The following CELF4 variants were observed in gnomAD, a reference collection of about 807,000 sequenced individuals.
CELF4 encodes the protein CUGBP Elav-like family member 4, also known as CUG-BP- and ETR-3-like factor 4.
CELF4 carries 18 observed loss-of-function variants against 59.9 expected under a neutral mutation model. The ratio of observed to expected loss-of-function variants is 0.30; its 90% CI spans 0.21 to 0.45. The LOEUF (loss-of-function observed/expected upper bound fraction) is 0.45, where lower values mean the gene tolerates loss of function less well. Among genes scored for constraint, CELF4 ranks in the 20% least tolerant of loss-of-function variants. The pLI is 1.00. For missense variants in CELF4, 456 were observed against 689.0 expected, an observed-to-expected ratio of 0.66 and a Z score of 3.79; for synonymous variants, 261 against 267.1, an observed-to-expected ratio of 0.98 and a Z score of 0.22.
intron 2 of CELF4, among the ~76,000 whole-genome samples, chr18:37,415,676 C>T (rs965123038): frequency 6.6e-6 from 1 of 152,146 alleles, no homozygotes; most frequent in African/African-American, 2.4e-5. Context: ...TTGGCAGTTC[C>T]CCCTTAATAT....
At chr18:37,315,047 G>A (rs574887656) in intron 3 of CELF4, among the ~76,000 whole-genome samples, 19 of 144,000 alleles carry the variant, frequency 1.3e-4, no homozygotes, top group South Asian at 4.3e-4. Context: ...TCTGTGTGTC[G>A]TGTGCTTTTC....
At chr18:37,536,889 AGAG>A (rs2154605281) in intron 1 of CELF4, among the ~76,000 whole-genome samples, 1 of 152,256 alleles carries the variant, frequency 6.6e-6, no homozygotes. Flanking sequence ...GCGAAGGGAG[AGAG>A]GAGATGCCCC....
chr18:37,336,581 A>G (rs960574587), intron 2 of CELF4, among the ~76,000 whole-genome samples: 1 of 152,264 alleles, frequency 6.6e-6, no homozygotes, highest in African/African-American at 2.4e-5. Context: ...AAAGCCTGCT[A>G]TGAGGGAGTG....
intron 1 of CELF4, among the ~76,000 whole-genome samples, chr18:37,504,123 T>G (rs2099934836): frequency 6.6e-6 from 1 of 152,176 alleles, no homozygotes. Context: ...TGTGGCCTTA[T>G]GTATAGGGAG....
chr18:37,544,604 T>C (rs1267165928), intron 1 of CELF4, among the ~76,000 whole-genome samples: 1 of 152,156 alleles, frequency 6.6e-6, no homozygotes, highest in Non-Finnish European at 1.5e-5. Flanking sequence ...TGCTTGTACG[T>C]ATGTATGTGT....
intron 2 of CELF4, among the ~76,000 whole-genome samples, chr18:37,410,987 C>T (rs938669496): frequency 2.0e-5 from 3 of 152,300 alleles, no homozygotes; most frequent in Admixed American, 1.3e-4. Flanking sequence ...GACGAGGTCT[C>T]ACTCTGTCAC....
chr18:37,344,287 G>A (rs537470488), intron 2 of CELF4, among the ~76,000 whole-genome samples: 14 of 152,358 alleles, frequency 9.2e-5, no homozygotes, highest in East Asian at 5.8e-4. Context: ...GAGGACAGAC[G>A]TGGCTTACAC....
intron 3 of CELF4, among the ~76,000 whole-genome samples, chr18:37,285,787 G>C (rs975756704): frequency 2.0e-5 from 3 of 152,164 alleles, no homozygotes; most frequent in African/African-American, 7.2e-5. Flanking sequence ...ACCTTTTGCT[G>C]GGGTGGTGGC....
At chr18:37,358,397 C>A (rs1179926828) in intron 2 of CELF4, among the ~76,000 whole-genome samples, 1 of 152,236 alleles carries the variant, frequency 6.6e-6, no homozygotes, top group South Asian at 2.1e-4. Flanking sequence ...GCTTCCCCAG[C>A]CACGTGGAAC....
At chr18:37,302,505 A>G (rs889284445) in intron 3 of CELF4, among the ~76,000 whole-genome samples, 8 of 152,128 alleles carry the variant, frequency 5.3e-5, no homozygotes, top group African/African-American at 1.9e-4. Context: ...CAAAGGGAAG[A>G]CAGACATGAG....
In CELF4 at chr18:37,506,674, G is replaced by A. The variant is rs576302924; in HGVS notation, c.287-21067C>T. On this transcript the variant is annotated intron_variant, in intron 1 of 12. Coordinates refer to ENST00000420428, the MANE Select transcript of CELF4 (RefSeq NM_020180.4). ...CAGCAGGCCTGGAATGCTCCTGCCT[G>A]CCTGCCTTTGCCATTCAACTCTCCA... Among the ~76,000 whole-genome samples, 6 of 152,326 alleles carry A rather than the reference G, an allele frequency of 3.9e-5. No homozygotes were observed. In the South Asian group the frequency reaches 1.2e-3, roughly 32 times the overall value.
chr18:37,473,174 G>A (rs1000447565), intron 2 of CELF4, among the ~76,000 whole-genome samples: 5 of 152,190 alleles, frequency 3.3e-5, no homozygotes, highest in Admixed American at 6.5e-5. Flanking sequence ...AAGTTTACCA[G>A]GAAGGTCAAT....
At chr18:37,493,127 A>G (rs144671952) in intron 1 of CELF4, among the ~76,000 whole-genome samples, 3,631 of 152,306 alleles carry the variant, frequency 0.024, 66 homozygotes, top group Non-Finnish European at 0.039. Context: ...CCCCACCCAC[A>G]TAATAAATTT....
chr18:37,513,941 CGTGTGTGTGTGTGTGT>C (rs5824070), intron 1 of CELF4, among the ~76,000 whole-genome samples: 2,455 of 144,300 alleles, frequency 0.017, 70 homozygotes, highest in African/African-American at 0.06. Flanking sequence ...TGTGTGGTGC[CGTGTGTGTGTGTGTGT>C]GTGTGTGTGT....
At chr18:37,386,658 G>A (rs940361829) in intron 2 of CELF4, among the ~76,000 whole-genome samples, 2 of 152,178 alleles carry the variant, frequency 1.3e-5, no homozygotes, top group Non-Finnish European at 2.9e-5. Flanking sequence ...AACGAGATTG[G>A]AAAGTCTTCT....
At chr18:37,546,546 G>T (rs115688296) in intron 1 of CELF4, among the ~76,000 whole-genome samples, 4 of 152,120 alleles carry the variant, frequency 2.6e-5, no homozygotes, top group South Asian at 2.1e-4. Flanking sequence ...GGAAAGGGTC[G>T]GGCTCTGCCA....
At chr18:37,259,341 C>T (rs2072692082) in intron 10 of CELF4, 77 bp from the exon 11 acceptor site, 1 of 447,044 alleles carries the variant, frequency 2.2e-6, no homozygotes, top group Non-Finnish European at 3.5e-6. Flanking sequence ...GAGAGGTGAG[C>T]GAGTTAGGCA....
At chr18:37,349,023 A>T (rs2098374746) in intron 2 of CELF4, among the ~76,000 whole-genome samples, 1 of 152,188 alleles carries the variant, frequency 6.6e-6, no homozygotes, top group Admixed American at 6.5e-5. Context: ...AACTCTCCAA[A>T]GGTGGAATGA....
chr18:37,505,185 G>A (rs983405938), intron 1 of CELF4, among the ~76,000 whole-genome samples: 7 of 152,340 alleles, frequency 4.6e-5, no homozygotes, highest in Admixed American at 1.3e-4. Flanking sequence ...CTGGTGTCTC[G>A]CATGGCTGAG....
Sources: gnomAD v4.1 joint callset for allele counts (sites outside exome capture counted in the v4.1 genomes callset) on GRCh38, gnomAD v4.1.1 for gene constraint, MANE v1.5 for transcripts, NCBI Gene and HGNC (gene_info 2026-07-23, HGNC 2026-07-21) for gene names.